TXNRD2: variants seen among roughly 807,000 people sequenced by gnomAD.
TXNRD2 encodes thioredoxin reductase 2, mitochondrial.
Under a neutral mutation model 70.8 loss-of-function variants are expected in TXNRD2, and 67 were observed. The observed-to-expected ratio is 0.95, with a 90% CI of 0.78 to 1.16. The LOEUF is 1.16. TXNRD2 is among the 50% of genes most tolerant of loss of function. TXNRD2 has a pLI of 0.00. For synonymous variants in TXNRD2, 301 were observed against 295.8 expected (o/e 1.02, Z -0.18); for missense variants, 644 against 719.9 (o/e 0.89, Z 1.21).
intron 2 of TXNRD2, among the ~76,000 whole-genome samples, chr22:19,922,978 T>G (rs1940974605): frequency 6.6e-6 from 1 of 152,154 alleles, no homozygotes; most frequent in Admixed American, 6.5e-5. Context: ...TGAGCCACCA[T>G]GCCCGGCCAG....
intron 8 of TXNRD2, among the ~76,000 whole-genome samples, chr22:19,909,742 CCACA>C (rs1386946142): frequency 1.5e-5 from 2 of 136,560 alleles, no homozygotes; most frequent in Admixed American, 7.3e-5. Flanking sequence ...CACACACACA[CCACA>C]CACACCCACA....
chr22:19,877,252 G>T lies in TXNRD2; in HGVS notation c.1446-18C>A. ...CCCCACACCTGCACATGGGGGATGG[G>T]GGAGGCAGGCGGGGTCAGCACAGGG... On this transcript the variant is annotated intron_variant, in intron 16 of 17. Transcript: ENST00000400521. The T allele has an allele frequency of 6.2e-7, 1 of 1,605,262 alleles. No individual in the cohort carries two copies. The highest frequency in any genetic ancestry group is 1.1e-5 in the South Asian group (1 of 90,914).
intron 2 of TXNRD2, among the ~76,000 whole-genome samples, chr22:19,926,906 G>C (rs1941167493): frequency 6.6e-6 from 1 of 152,196 alleles, no homozygotes; most frequent in Middle Eastern, 3.2e-3. Context: ...ACTGCCAATG[G>C]GTACAGGGTA....
chr22:19,941,697 C>T lies in TXNRD2; in HGVS notation c.103+4G>A, dbSNP rs1941723887. Reference sequence around the variant, plus strand: ...ACCGCGGGGACGCCCCGACCCCATCCTACCTGCTGCGCCCCGCGCCGCGCC... The same window carrying T: ...ACCGCGGGGACGCCCCGACCCCATCTTACCTGCTGCGCCCCGCGCCGCGCC... On this transcript the variant is annotated splice_donor_region_variant and intron_variant, in intron 1 of 17. Coordinates refer to ENST00000400521, the MANE Select transcript of TXNRD2 (RefSeq NM_006440.5). 4.0e-6 allele frequency: 6 copies of T among 1,482,196 alleles called. No homozygotes were observed. The East Asian group carries it at 1.7e-4, about 42-fold the overall frequency. 91.8% of individuals were successfully genotyped at this position (1,482,196 alleles called of 1,614,324 possible). A position where few individuals can be genotyped will look rare whatever the true frequency, so the allele number is the denominator to read the frequency against.
chr22:19,923,166 G>A (rs1033353073), intron 2 of TXNRD2, among the ~76,000 whole-genome samples: 1 of 151,954 alleles, frequency 6.6e-6, no homozygotes, highest in Non-Finnish European at 1.5e-5. Context: ...CATATTAATT[G>A]GAAATGTTTT....
intron 2 of TXNRD2, among the ~76,000 whole-genome samples, chr22:19,925,060 G>A (rs12484923): frequency 0.055 from 8,274 of 151,584 alleles, 405 homozygotes; most frequent in East Asian, 0.2. Flanking sequence ...CAAGGGGGGC[G>A]GATCACAAGG....
chr22:19,939,714 A>C (rs1201983970), intron 1 of TXNRD2, among the ~76,000 whole-genome samples: 1 of 152,146 alleles, frequency 6.6e-6, no homozygotes, highest in Non-Finnish European at 1.5e-5. Flanking sequence ...GGTTGTATCC[A>C]TCTAGAAGCT....
intron 8 of TXNRD2, among the ~76,000 whole-genome samples, chr22:19,910,047 G>A (rs978726104): frequency 1.5e-4 from 22 of 146,698 alleles, no homozygotes; most frequent in African/African-American, 4.8e-4. Flanking sequence ...CACAGAAGTG[G>A]GACCCTTTTC....
intron 2 of TXNRD2, among the ~76,000 whole-genome samples, chr22:19,923,994 T>A (rs1309354067): frequency 6.6e-6 from 1 of 151,374 alleles, no homozygotes; most frequent in African/African-American, 2.4e-5. Context: ...AAAAAAAGGC[T>A]TTTTTTTCTT....
intron 8 of TXNRD2, among the ~76,000 whole-genome samples, chr22:19,900,226 G>C (rs1296796252): frequency 6.6e-6 from 1 of 152,120 alleles, no homozygotes; most frequent in Non-Finnish European, 1.5e-5. Flanking sequence ...GACAGCGAAG[G>C]GGGACCCTGG....
intron 8 of TXNRD2, among the ~76,000 whole-genome samples, chr22:19,909,501 ACACACACACACACCACT>A (rs1160868242): frequency 2.1e-5 from 3 of 145,724 alleles, no homozygotes; most frequent in Non-Finnish European, 3.0e-5. Context: ...CACACCACTC[ACACACACACACACCACT>A]CACACACACA....
intron 1 of TXNRD2, among the ~76,000 whole-genome samples, chr22:19,939,036 G>C (rs1941617597): frequency 6.6e-6 from 1 of 152,130 alleles, no homozygotes; most frequent in South Asian, 2.1e-4. Flanking sequence ...CCAATACCTG[G>C]GAACCTGGAA....
At chr22:19,890,714 C>T (rs1260388673) in intron 11 of TXNRD2, among the ~76,000 whole-genome samples, 1 of 152,222 alleles carries the variant, frequency 6.6e-6, no homozygotes, top group Non-Finnish European at 1.5e-5. Context: ...TTGGTTCTTG[C>T]TTTCTGCCCT....
chr22:19,882,223 G>A (rs1329461656), intron 12 of TXNRD2, among the ~76,000 whole-genome samples: 3 of 151,910 alleles, frequency 2.0e-5, no homozygotes, highest in Non-Finnish European at 4.4e-5. Flanking sequence ...ATGGAGTCTC[G>A]CTCTGTCACC....
At position 19,918,174 on chromosome 22, in the gene TXNRD2, TC is replaced by T. The variant is rs780054798; in HGVS notation, c.417del (p.Asn140ThrfsTer75). 17 of 1,614,142 alleles carry T rather than the reference TC, an allele frequency of 1.1e-5. No individual in the cohort carries two copies. The highest frequency in any genetic ancestry group is 6.7e-5 in the Admixed American group (4 of 60,020). On this transcript the variant is annotated frameshift_variant, in exon 5 of 18. Coordinates refer to ENST00000400521, the MANE Select transcript of TXNRD2 (RefSeq NM_006440.5). LOFTEE classifies it high-confidence loss of function. ...AEAVQNHVKS[L>X]NWGHRVQLQD... The stretch of plus-strand genomic sequence containing the variant: ...TGAAGCTGGACACGGTGGCCCCAGT[TC>T]AAGGATTTCACGTGATTTTGAACAG...
intron 1 of TXNRD2, among the ~76,000 whole-genome samples, chr22:19,940,226 C>CA (rs1941658266): frequency 9.1e-6 from 1 of 109,544 alleles, no homozygotes; most frequent in African/African-American, 3.7e-5. Context: ...GCTTGGGCGA[C>CA]AGAGCAAGAC....
intron 9 of TXNRD2, 105 bp from the exon 10 acceptor site, chr22:19,898,235 G>A: frequency 2.8e-6 from 3 of 1,084,600 alleles, no homozygotes; most frequent in Non-Finnish European, 4.1e-6. Flanking sequence ...ATCCATGGCT[G>A]GCCCTGGAGG....
At chr22:19,933,425 C>A in intron 1 of TXNRD2, 1 of 1,288,738 alleles carries the variant, frequency 7.8e-7, no homozygotes, top group Non-Finnish European at 1.0e-6. Context: ...TTGCTCAGAA[C>A]GTCCCTACCT....
intron 8 of TXNRD2, among the ~76,000 whole-genome samples, chr22:19,903,173 TGCA>T (rs1420351011): frequency 6.6e-6 from 1 of 152,192 alleles, no homozygotes; most frequent in Admixed American, 6.5e-5. Context: ...GCCTGGCAGC[TGCA>T]GGAGAGGCTG....
Sources: allele counts gnomAD v4.1 joint callset (sites outside exome capture counted in the v4.1 genomes callset), GRCh38; gene constraint gnomAD v4.1.1; transcripts MANE v1.5; gene names NCBI Gene and HGNC (gene_info 2026-07-23, HGNC 2026-07-21).